Variants in RIF1 observed in about 807,000 individuals in gnomAD.
The protein encoded by RIF1 is telomere-associated protein RIF1.
RIF1 carries 45 observed loss-of-function variants against 247.1 expected under a neutral mutation model. The observed-to-expected ratio is 0.18, with a 90% CI of 0.14 to 0.23. RIF1 has a LOEUF of 0.23. RIF1 is among the 10% of genes least tolerant of loss of function. The pLI, the probability that RIF1 is intolerant of heterozygous loss-of-function variation, is 1.00. For missense variants in RIF1, 2,967 were observed against 2,862.5 expected (o/e 1.04, Z -0.83); for synonymous variants, 1,087 against 978.8 (o/e 1.11, Z -2.06).
Position 151,458,762 on chromosome 2 carries a change from C to T in RIF1, c.2856-49C>T, listed in dbSNP as rs77334644. On this transcript the variant is annotated intron_variant, in intron 24 of 35. Coordinates refer to ENST00000444746, the MANE Select transcript of RIF1 (RefSeq NM_018151.5). ...CTGTTGTTAACAGATCATCAGTGTTCACCAGTACTACTTGACTTAAGGTAT... is the reference window on the plus strand; with the variant it reads ...CTGTTGTTAACAGATCATCAGTGTTTACCAGTACTACTTGACTTAAGGTAT... The T allele has an allele frequency of 6.6e-4, 675 of 1,029,666 alleles. 5 individuals carry two copies. In the African/African-American group the frequency reaches 9.6e-3, roughly 15 times the overall value. 63.8% of individuals were successfully genotyped at this position (1,029,666 alleles called of 1,614,324 possible). A position where few individuals can be genotyped will look rare whatever the true frequency, so the allele number is the denominator to read the frequency against.
chr2:151,512,900 A>G, downstream of RIF1: 1 of 1,140,290 alleles, frequency 8.8e-7, no homozygotes, highest in Non-Finnish European at 1.3e-6. Flanking sequence ...TGTTGGCTTG[A>G]TTTGATTAAG....
At chr2:151,422,267 A>G (rs1043498309) in intron 7 of RIF1, among the ~76,000 whole-genome samples, 3 of 152,134 alleles carry the variant, frequency 2.0e-5, no homozygotes, top group Non-Finnish European at 4.4e-5. Context: ...TTATTGTGAA[A>G]AAATACAGTG....
At chr2:151,412,105 G>A (rs566994901) in intron 3 of RIF1, among the ~76,000 whole-genome samples, 128 of 152,110 alleles carry the variant, frequency 8.4e-4, no homozygotes, top group African/African-American at 2.6e-3. Context: ...TGCTACAACC[G>A]TTATCATTTT....
chr2:151,524,741 A>T, the RIF1 span: 1 of 745,656 alleles, frequency 1.3e-6, no homozygotes. Flanking sequence ...ATCTCAGCTC[A>T]CTGCAACTTC....
Position 151,465,656 on chromosome 2 carries a change from A to G in RIF1, c.6136A>G (p.Thr2046Ala), listed in dbSNP as rs372617764. The part of the protein sequence containing the change: ...DGETENEGIT[T>A]KTSKPDEAET... The stretch of plus-strand genomic sequence containing the variant: ...TGAAACAGAGAATGAGGGCATAACT[A>G]CCAAAACCTCAAAGCCTGATGAAGC... The change falls in exon 30 of 36, where the codon ACC becomes GCC. Residue 2046 changes from threonine to alanine, a missense_variant. Thr to Ala is a moderately conservative substitution (Grantham distance 58). This residue lies in a region of RIF1 where 2,028 missense variants were observed against 1,825.6 expected (regional missense o/e 1.11). Transcript: ENST00000444746. 4.0e-5 allele frequency: 65 copies of G among 1,614,040 alleles called. No individual in the cohort carries two copies. In the East Asian group the frequency reaches 1.2e-3, roughly 29 times the overall value.
chr2:151,411,302 T>G lies in RIF1; in HGVS notation c.147T>G (p.Ile49Met). ...AAGGAAAAGAAGTAATTACAGAAAT[T>G]GAGAAAAAACTTCCTCGGCTGTACA... The part of the protein sequence containing the change: ...GEEGKEVITE[I>M]EKKLPRLYKV... Residue 49 changes from isoleucine to methionine, a missense_variant, in exon 3 of 36, where the codon ATT (isoleucine) becomes ATG (methionine). Around this residue, in one of 7 missense-constraint regions of RIF1, gnomAD observed 269 missense variants for 288.6 expected, o/e 0.93. Coordinates refer to ENST00000444746, the MANE Select transcript of RIF1 (RefSeq NM_018151.5). 2 of 1,604,606 alleles carry G rather than the reference T, an allele frequency of 1.2e-6. No individual in the cohort carries two copies. Among genetic ancestry groups the G allele is most frequent in the South Asian group, 1.1e-5 (1 of 89,622 alleles).
Position 151,462,232 on chromosome 2 carries a change from T to TAA in RIF1, c.3228-10_3228-9insAA, listed in dbSNP as rs1696301962. 6.5e-7 allele frequency: 1 copy of TAA among 1,537,122 alleles called. No individual in the cohort carries two copies. Among genetic ancestry groups the TAA allele is most frequent in the East Asian group, 2.3e-5 (1 of 44,192 alleles). ...GGTTTTTGAAGTTACTTATATATAG[T>TAA]TTTTTTCAGGTGTGATATTCCTGCC... On this transcript the variant is annotated splice_polypyrimidine_tract_variant and intron_variant, in intron 27 of 35. Coordinates refer to ENST00000444746, the MANE Select transcript of RIF1 (RefSeq NM_018151.5).
chr2:151,474,406 TG>T (rs1327017058), intron 35 of RIF1, among the ~76,000 whole-genome samples: 2 of 152,174 alleles, frequency 1.3e-5, no homozygotes, highest in Non-Finnish European at 2.9e-5. Context: ...AGGTTGGGTA[TG>T]GTGGCTCACG....
chr2:151,473,666 T>G (rs1163073679), intron 34 of RIF1, among the ~76,000 whole-genome samples: 2 of 152,194 alleles, frequency 1.3e-5, no homozygotes, highest in Non-Finnish European at 2.9e-5. Context: ...TACCACATTC[T>G]TAAACTTGGG....
intron 27 of RIF1, 100 bp downstream of exon 27, chr2:151,461,389 TA>T: frequency 1.1e-5 from 12 of 1,090,020 alleles, no homozygotes; most frequent in Non-Finnish European, 1.5e-5. Context: ...ATATGTGTAC[TA>T]ATTTTTTTTT....
At chr2:151,417,819 G>C (rs961304304) in intron 6 of RIF1, among the ~76,000 whole-genome samples, 2 of 152,048 alleles carry the variant, frequency 1.3e-5, no homozygotes, top group Non-Finnish European at 2.9e-5. Flanking sequence ...TTATTAAGAG[G>C]ACTTACACAA....
chr2:151,436,220 A>C (rs1001496541), intron 11 of RIF1, among the ~76,000 whole-genome samples: 3 of 151,514 alleles, frequency 2.0e-5, no homozygotes, highest in Non-Finnish European at 2.9e-5. Context: ...AGTGAGACTC[A>C]GTCTCAAAAA....
the RIF1 span, chr2:151,518,462 G>A: frequency 1.6e-6 from 2 of 1,238,522 alleles, no homozygotes; most frequent in Non-Finnish European, 2.4e-6. Context: ...TGATGGAGAA[G>A]CTGCTCAGCA....
chr2:151,510,798 A>G (rs936511590), downstream of RIF1, among the ~76,000 whole-genome samples: 21 of 152,198 alleles, frequency 1.4e-4, no homozygotes, highest in African/African-American at 4.8e-4. Context: ...CTTGGAACAT[A>G]TCCCCCTCGG....
At chr2:151,457,311 C>T (rs972234478) in intron 23 of RIF1, among the ~76,000 whole-genome samples, 41 of 152,090 alleles carry the variant, frequency 2.7e-4, no homozygotes, top group African/African-American at 8.9e-4. Context: ...TTTGTAGAGG[C>T]GGGGTTTTGC....
intron 10 of RIF1, chr2:151,498,202 A>G: frequency 6.5e-7 from 1 of 1,549,168 alleles, no homozygotes; most frequent in Non-Finnish European, 8.7e-7. Flanking sequence ...AAATAAATGT[A>G]AAGATCAGTT....
At chr2:151,533,542 T>C in the RIF1 span, 22 of 1,548,278 alleles carry the variant, frequency 1.4e-5, no homozygotes, top group South Asian at 1.2e-4. Flanking sequence ...AGATTTATAT[T>C]TTCTCTGTCC....
the RIF1 span, chr2:151,524,472 C>A: frequency 6.2e-7 from 1 of 1,613,000 alleles, no homozygotes; most frequent in Non-Finnish European, 8.5e-7. Context: ...CATGCCTTGG[C>A]AATGGCTGTT....
chr2:151,507,700 C>G (rs1182752257), intron 13 of RIF1: 3 of 300,694 alleles, frequency 1.0e-5, no homozygotes, highest in Non-Finnish European at 1.9e-5. Flanking sequence ...AATTGTGTGT[C>G]TCTCTTGTTA....
Sources: allele counts gnomAD v4.1 joint callset (sites outside exome capture counted in the v4.1 genomes callset), GRCh38; gene constraint gnomAD v4.1.1; regional missense constraint gnomAD v4.1.1; transcripts MANE v1.5; gene names NCBI Gene and HGNC (gene_info 2026-07-23, HGNC 2026-07-21).